The following DYM variants were observed in gnomAD, a reference collection of about 807,000 sequenced individuals.
The protein encoded by DYM is dymeclin.
In DYM, 78 loss-of-function variants were observed where a neutral mutation model predicts 93.1. That is an observed-to-expected ratio of 0.84 (90% CI 0.70 to 1.01). The LOEUF is 1.01. Ranked by LOEUF, DYM falls within the 50% of genes least tolerant of loss-of-function variation. The pLI is 0.00. For missense variants in DYM, 789 were observed against 845.0 expected, an observed-to-expected ratio of 0.93 and a Z score of 0.82; for synonymous variants, 321 against 319.7, an observed-to-expected ratio of 1.00 and a Z score of -0.04.
intron 8 of DYM, among the ~76,000 whole-genome samples, chr18:49,325,354 C>A (rs1187378785): frequency 6.6e-6 from 1 of 152,176 alleles, no homozygotes; most frequent in Non-Finnish European, 1.5e-5. Context: ...TAGTTACATT[C>A]ACTTTTGTTG....
chr18:49,410,167 G>A (rs1448686499), intron 2 of DYM, among the ~76,000 whole-genome samples: 1 of 152,052 alleles, frequency 6.6e-6, no homozygotes, highest in African/African-American at 2.4e-5. Flanking sequence ...CTGGGCTCAA[G>A]CAATCCTCCC....
intron 15 of DYM, among the ~76,000 whole-genome samples, chr18:49,150,677 A>T (rs1243310446): frequency 6.6e-6 from 1 of 152,218 alleles, no homozygotes; most frequent in Non-Finnish European, 1.5e-5. Flanking sequence ...GGCCCTACAG[A>T]AGATGGATCA....
In DYM at chr18:49,279,622, T is replaced by C. The variant is rs889130834; in HGVS notation, c.1125+2375A>G. 2.6e-5 allele frequency among the ~76,000 whole-genome samples: 4 copies of C among 152,220 alleles called. No individual in the cohort carries two copies. The South Asian group carries it at 6.2e-4, about 24-fold the overall frequency. On this transcript the variant is annotated intron_variant, in intron 10 of 17. Transcript: ENST00000675505. ...CAGCTGCTCTCTGCACCATCTTATA[T>C]ACCTGCATCCTTACCATACAACTTT...
chr18:49,097,432 G>T lies in DYM; in HGVS notation c.1995C>A (p.Gly665=). 6.2e-7 allele frequency: 1 copy of T among 1,613,966 alleles called. No homozygotes were observed. The highest frequency in any genetic ancestry group is 8.5e-7 in the Non-Finnish European group (1 of 1,179,910). ...VERVLEIIKQ[G]VVALPKDRLK... is the part of the protein sequence containing the mutation. ...GTCTGTCTTTGGGCAGCGCAACGAC[G>T]CCTTGCTTAATGATTTCCAGGACCC... Residue 665 remains glycine (G), a synonymous_variant, in exon 17 of 18, where the codon GGC becomes GGA. Coordinates refer to ENST00000675505, the MANE Select transcript of DYM (RefSeq NM_001353214.3).
intron 17 of DYM, among the ~76,000 whole-genome samples, chr18:49,062,377 G>A (rs1330731698): frequency 6.6e-6 from 1 of 152,164 alleles, no homozygotes; most frequent in African/African-American, 2.4e-5. Context: ...GCCCAGCTCA[G>A]GACCTGCTGA....
In DYM at chr18:49,124,713, T is replaced by C. The variant is rs563279468; in HGVS notation, c.1729-5787A>G. ...TATAGATTATATTCAGTTGCAGATT[T>C]ATAAATTAAATGACAAGAACATATC... On this transcript the variant is annotated intron_variant, in intron 15 of 17. Coordinates refer to ENST00000675505, the MANE Select transcript of DYM (RefSeq NM_001353214.3). Among the ~76,000 whole-genome samples, 13 of 152,324 alleles carry C rather than the reference T, an allele frequency of 8.5e-5. 1 individual carries two copies. Among genetic ancestry groups the C allele is most frequent in the Admixed American group, 5.2e-4 (8 of 15,308 alleles).
At chr18:49,450,474 A>G (rs1356092558) in intron 1 of DYM, among the ~76,000 whole-genome samples, 1 of 152,188 alleles carries the variant, frequency 6.6e-6, no homozygotes, top group Non-Finnish European at 1.5e-5. Flanking sequence ...AAATAATGGC[A>G]ATTTGGAATT....
intron 11 of DYM, among the ~76,000 whole-genome samples, chr18:49,265,603 AC>A (rs1375626834): frequency 6.6e-6 from 1 of 151,884 alleles, no homozygotes; most frequent in Non-Finnish European, 1.5e-5. Context: ...ACATGGAGAA[AC>A]CCTGTCTCTA....
At chr18:49,166,334 T>C (rs1011774979) in intron 14 of DYM, among the ~76,000 whole-genome samples, 1 of 152,220 alleles carries the variant, frequency 6.6e-6, no homozygotes, top group East Asian at 1.9e-4. Context: ...CACATGAGTG[T>C]TTACTGTTAC....
At chr18:49,058,493 A>C (rs1409681867) in intron 17 of DYM, among the ~76,000 whole-genome samples, 1 of 151,656 alleles carries the variant, frequency 6.6e-6, no homozygotes, top group East Asian at 1.9e-4. Context: ...CAAATTTTTA[A>C]ATTTTTTATA....
rs533497169 is a variant in DYM at position 49,118,764 on chromosome 18, T to C, written c.1891A>G (p.Ile631Val). ...CTCACCAGATCAATATTTTGCATTA[T>C]ATCCTGAAATGAAGGATGAGTTCGA... ...QFRTHPSFQD[I>V]MQNIDLVISF... The change falls in exon 16 of 18, where the codon ATA becomes GTA. Residue 631 changes from isoleucine to valine, a missense_variant. Ile to Val is a conservative substitution (Grantham distance 29). Coordinates refer to ENST00000675505, the MANE Select transcript of DYM (RefSeq NM_001353214.3). 6.8e-6 allele frequency: 11 copies of C among 1,614,082 alleles called. 1 individual carries two copies. Among genetic ancestry groups the C allele is most frequent in the African/African-American group, 5.3e-5 (4 of 75,074 alleles).
intron 13 of DYM, among the ~76,000 whole-genome samples, chr18:49,212,843 T>A (rs1256455817): frequency 1.3e-5 from 2 of 152,204 alleles, no homozygotes; most frequent in Non-Finnish European, 2.9e-5. Flanking sequence ...ATCTTTTTGA[T>A]AAACTGAATA....
intron 17 of DYM, among the ~76,000 whole-genome samples, chr18:49,073,518 T>C (rs905405620): frequency 4.6e-5 from 7 of 152,272 alleles, no homozygotes; most frequent in Admixed American, 2.0e-4. Flanking sequence ...AATAATGGCT[T>C]CAGGCCCTCA....
intron 11 of DYM, among the ~76,000 whole-genome samples, chr18:49,258,864 A>AGAGAGAGAGAGAGC (rs2094443142): frequency 8.5e-6 from 1 of 116,994 alleles, no homozygotes; most frequent in Non-Finnish European, 2.1e-5. Context: ...AGAGAGAGAG[A>AGAGAGAGAGAGAGC]GAGAGAGAGA....
Position 49,037,138 on chromosome 18 carries a change from G to A in DYM, c.*6917C>T, listed in dbSNP as rs371727646. ...GCTGGTCTTGAACTCCTGACCTCAGGTGACTCCCAAAGTGCTGGGATTACA... is the reference window on the plus strand; with the variant it reads ...GCTGGTCTTGAACTCCTGACCTCAGATGACTCCCAAAGTGCTGGGATTACA... On this transcript the variant is annotated 3_prime_UTR_variant, in exon 18 of 18. Transcript: ENST00000675505. Among the ~76,000 whole-genome samples the A allele has an allele frequency of 2.0e-5, 3 of 152,136 alleles. No individual in the cohort carries two copies. The highest frequency in any genetic ancestry group is 7.2e-5 in the African/African-American group (3 of 41,414).
rs1429215871 is a variant in DYM, at chr18:49,452,405, GC to G, written c.-54+7992del. Among the ~76,000 whole-genome samples the G allele has an allele frequency of 2.0e-5, 3 of 152,066 alleles. No individual in the cohort carries two copies. In the East Asian group the frequency reaches 5.8e-4, roughly 30 times the overall value. Reference sequence around the variant, plus strand: ...CAGCCTGCTTTTATTCCCTTATCTGGCCCCACCCACATCCTGCTGATTTGGT... The same window carrying G: ...CAGCCTGCTTTTATTCCCTTATCTGGCCCACCCACATCCTGCTGATTTGGT... On this transcript the variant is annotated intron_variant, in intron 1 of 17. Transcript: ENST00000675505.
chr18:49,226,551 G>A (rs550703028), intron 13 of DYM, among the ~76,000 whole-genome samples: 1 of 152,134 alleles, frequency 6.6e-6, no homozygotes, highest in East Asian at 1.9e-4. Context: ...AATAAGCAAG[G>A]TCTAAAACTC....
chr18:49,359,039 T>C (rs890760342), intron 6 of DYM, among the ~76,000 whole-genome samples: 5 of 152,196 alleles, frequency 3.3e-5, no homozygotes, highest in African/African-American at 9.7e-5. Flanking sequence ...TCAGCCCTTA[T>C]AGTAACACTA....
intron 15 of DYM, among the ~76,000 whole-genome samples, chr18:49,143,297 T>C (rs779921730): frequency 1.3e-5 from 2 of 152,170 alleles, no homozygotes; most frequent in Non-Finnish European, 2.9e-5. Context: ...TATTCCTTTA[T>C]GCCACAGTGC....
Sources: gnomAD v4.1 joint callset for allele counts (sites outside exome capture counted in the v4.1 genomes callset) on GRCh38, gnomAD v4.1.1 for gene constraint, MANE v1.5 for transcripts, NCBI Gene and HGNC (gene_info 2026-07-23, HGNC 2026-07-21) for gene names.